SGF29: variants seen among roughly 807,000 people sequenced by gnomAD.
SGF29 encodes the protein SAGA complex associated factor 29.
In SGF29, 15 loss-of-function variants were observed where a neutral mutation model predicts 38.1. The observed-to-expected ratio is 0.39, with a 90% CI of 0.26 to 0.61. The LOEUF is 0.61. Among genes scored for constraint, SGF29 ranks in the 20% least tolerant of loss-of-function variants. The pLI is 0.49. For synonymous variants in SGF29, 151 were observed against 160.8 expected, an observed-to-expected ratio of 0.94 and a Z score of 0.46; for missense variants, 184 against 394.6, an observed-to-expected ratio of 0.47 and a Z score of 4.52.
intron 4 of SGF29, among the ~76,000 whole-genome samples, chr16:28,586,395 C>T (rs1159850844): frequency 6.6e-6 from 1 of 151,672 alleles, no homozygotes; most frequent in African/African-American, 2.4e-5. Flanking sequence ...AAAAATTAGC[C>T]AGGTGTGGTG....
intron 9 of SGF29, 148 bp downstream of exon 9, chr16:28,591,083 C>T: frequency 9.3e-7 from 1 of 1,072,718 alleles, no homozygotes; most frequent in East Asian, 2.6e-5. Context: ...CCCTCTTCCA[C>T]TCCAGCCCCA....
chr16:28,577,672 T>C (rs2046902882), intron 1 of SGF29, among the ~76,000 whole-genome samples: 2 of 152,254 alleles, frequency 1.3e-5, no homozygotes, highest in Non-Finnish European at 2.9e-5. Flanking sequence ...ATTGTAGGTG[T>C]GAAGTGGTGT....
Position 28,591,547 on chromosome 16 carries a change from C to CT in SGF29, c.766-42dup, listed in dbSNP as rs769617468. ...GGGGGAAGGGGGTGCCTGTCCTGGC[C>CT]TGGGGGTCTCTGAGCAGCCCCTCCT... On this transcript the variant is annotated intron_variant, in intron 9 of 9. Transcript: ENST00000317058. 13 of 1,428,684 alleles carry CT rather than the reference C, an allele frequency of 9.1e-6. No individual in the cohort carries two copies. In the East Asian group the frequency reaches 3.0e-4, roughly 32 times the overall value. 88.5% of individuals were successfully genotyped at this position (1,428,684 alleles called of 1,614,324 possible). A position where few individuals can be genotyped will look rare whatever the true frequency, so the allele number is the denominator to read the frequency against.
Position 28,591,768 on chromosome 16 carries a change from G to T in SGF29, c.*62G>T. 1 of 1,382,120 alleles carries T rather than the reference G, an allele frequency of 7.2e-7. No homozygotes were observed. The highest frequency in any genetic ancestry group is 1.0e-6 in the Non-Finnish European group (1 of 977,882). The allele number at this position is 1,382,120 out of a possible 1,614,324, so 85.6% of individuals were successfully genotyped here. On this transcript the variant is annotated 3_prime_UTR_variant, in exon 10 of 10. Transcript: ENST00000317058. Reference sequence around the variant, plus strand: ...GGGCAGGACAGCAGAGGACGTGCTGGGATTAAACACATTCCCCCTCTACTC... The same window carrying T: ...GGGCAGGACAGCAGAGGACGTGCTGTGATTAAACACATTCCCCCTCTACTC...
At chr16:28,585,324 C>A (rs932273336) in intron 3 of SGF29, 1 of 530,664 alleles carries the variant, frequency 1.9e-6, no homozygotes, top group African/African-American at 1.9e-5. Flanking sequence ...GTGGTGAGAT[C>A]CTGGGGCTGG....
At chr16:28,557,511 G>A (rs1364938383) in intron 1 of SGF29, among the ~76,000 whole-genome samples, 2 of 152,178 alleles carry the variant, frequency 1.3e-5, no homozygotes, top group Non-Finnish European at 2.9e-5. Flanking sequence ...GTTTCCCTGA[G>A]TGCTGAGAGC....
At chr16:28,584,662 G>A (rs1383000004) in intron 2 of SGF29, among the ~76,000 whole-genome samples, 1 of 152,004 alleles carries the variant, frequency 6.6e-6, no homozygotes, top group Non-Finnish European at 1.5e-5. Flanking sequence ...GGTGGCGGGC[G>A]CCTGTAGTCC....
At chr16:28,573,130 GT>G (rs1192505142) in intron 1 of SGF29, among the ~76,000 whole-genome samples, 1 of 152,104 alleles carries the variant, frequency 6.6e-6, no homozygotes, top group African/African-American at 2.4e-5. Flanking sequence ...GTGGCATTTG[GT>G]GCTGTTTATC....
At chr16:28,581,022 CA>C (rs2046921797) in intron 1 of SGF29, 32 bp from the exon 2 acceptor site, 3 of 1,516,982 alleles carry the variant, frequency 2.0e-6, no homozygotes, top group Non-Finnish European at 2.7e-6. Context: ...CAGCCACTAA[CA>C]GAGTTCTCTT....
chr16:28,581,259 G>A (rs930408290), intron 2 of SGF29, 115 bp downstream of exon 2: 50 of 900,778 alleles, frequency 5.6e-5, no homozygotes, highest in African/African-American at 4.3e-4. Context: ...CCAAAATGAC[G>A]TAATAAAAGT....
At position 28,561,297 on chromosome 16, in the gene SGF29, C is replaced by A. The variant is rs140842812; in HGVS notation, c.-16+7200C>A. On this transcript the variant is annotated intron_variant, in intron 1 of 9. Transcript: ENST00000317058. Reference sequence around the variant, plus strand: ...TGTAATCCCAGTACTTTTTGGGAGGCTGAGGCAGGCAGATCACCTGAGGTC... The same window carrying A: ...TGTAATCCCAGTACTTTTTGGGAGGATGAGGCAGGCAGATCACCTGAGGTC... Among the ~76,000 whole-genome samples the A allele has an allele frequency of 1.2e-3, 190 of 152,200 alleles. 2 individuals carry two copies. The highest frequency in any genetic ancestry group is 5.8e-3 in the Admixed American group (89 of 15,274).
intron 1 of SGF29, among the ~76,000 whole-genome samples, chr16:28,560,916 G>A (rs1346640473): frequency 2.2e-5 from 3 of 137,302 alleles, no homozygotes; most frequent in African/African-American, 8.1e-5. Context: ...AGCTGAGATC[G>A]CACCACTGCA....
intron 1 of SGF29, among the ~76,000 whole-genome samples, chr16:28,555,691 T>A (rs2046746368): frequency 6.6e-6 from 1 of 152,216 alleles, no homozygotes; most frequent in Admixed American, 6.5e-5. Context: ...ACAGACACAC[T>A]CTAAAGTGTT....
rs759967139 is a variant in SGF29 at position 28,590,315 on chromosome 16, G to A, written c.439G>A (p.Ala147Thr). ...PGDKPPPLCG[A>T]IPASGDYVAR... The stretch of plus-strand genomic sequence containing the variant: ...TCACAGGCCCCCACCCCTCTGTGGG[G>A]CCATCCCTGCCTCAGGAGACTACGT... Residue 147 changes from alanine (A) to threonine (T), a missense_variant, in exon 7 of 10, where the codon GCC (alanine) becomes ACC (threonine). By Grantham distance (58) the Ala-to-Thr change is moderately conservative (BLOSUM62 0). Coordinates refer to ENST00000317058, the MANE Select transcript of SGF29 (RefSeq NM_138414.3). The surrounding 1 kb of genome is among the most constrained non-coding windows in gnomAD (Gnocchi z 8.2). The A allele has an allele frequency of 6.2e-7, 1 of 1,611,036 alleles. No individual in the cohort carries two copies. Among genetic ancestry groups the A allele is most frequent in the Non-Finnish European group, 8.5e-7 (1 of 1,178,664 alleles).
chr16:28,554,493 A>G (rs982058141), intron 1 of SGF29, among the ~76,000 whole-genome samples: 4 of 152,174 alleles, frequency 2.6e-5, no homozygotes, highest in African/African-American at 9.7e-5. Context: ...AATTTTGTAT[A>G]TATATATAGT....
intron 1 of SGF29, among the ~76,000 whole-genome samples, chr16:28,574,621 A>G (rs2046883123): frequency 6.6e-6 from 1 of 152,196 alleles, no homozygotes; most frequent in Admixed American, 6.5e-5. Flanking sequence ...TAACAGTTTC[A>G]GCCAGGATTC....
intron 1 of SGF29, among the ~76,000 whole-genome samples, chr16:28,564,563 A>ACG (rs1401215347): frequency 3.0e-5 from 4 of 132,262 alleles, no homozygotes; most frequent in East Asian, 2.1e-4. Flanking sequence ...ATATATATAT[A>ACG]TACGTATATA....
At chr16:28,566,889 C>A (rs779955642) in intron 1 of SGF29, among the ~76,000 whole-genome samples, 13 of 152,114 alleles carry the variant, frequency 8.5e-5, no homozygotes, top group African/African-American at 2.4e-5. Context: ...AGGCTGGTCT[C>A]AAACTCCTGA....
chr16:28,563,087 G>C (rs1421449872), intron 1 of SGF29, among the ~76,000 whole-genome samples: 1 of 151,978 alleles, frequency 6.6e-6, no homozygotes, highest in Admixed American at 6.6e-5. Context: ...GTTGGGATTT[G>C]CTTTAAAACA....
Sources: gnomAD v4.1 joint callset for allele counts (sites outside exome capture counted in the v4.1 genomes callset) on GRCh38, gnomAD v4.1.1 for gene constraint, Gnocchi (gnomAD v3.1) non-coding constraint, MANE v1.5 for transcripts, NCBI Gene and HGNC (gene_info 2026-07-23, HGNC 2026-07-21) for gene names.